Variants in MME observed in about 807,000 individuals in gnomAD.
MME encodes neprilysin.
MME carries 98 observed loss-of-function variants against 113.2 expected under a neutral mutation model. The observed-to-expected ratio is 0.87, with a 90% CI of 0.74 to 1.02. MME has a LOEUF of 1.02. Among genes scored for constraint, MME ranks in the 50% least tolerant of loss-of-function variants. The pLI is 0.00. For synonymous variants in MME, 292 were observed against 300.6 expected (o/e 0.97, Z 0.30); for missense variants, 836 against 896.0 (o/e 0.93, Z 0.86).
chr3:155,084,087 C>T lies in MME; in HGVS notation c.-10-71C>T, dbSNP rs534436536. 23 of 1,283,440 alleles carry T rather than the reference C, an allele frequency of 1.8e-5. No individual in the cohort carries two copies. The African/African-American group carries it at 2.5e-4, about 14-fold the overall frequency. 79.5% of individuals were successfully genotyped at this position (1,283,440 alleles called of 1,614,324 possible). On this transcript the variant is annotated intron_variant, in intron 1 of 22. Transcript: ENST00000360490. ...ACTGAGCCTTTTACTTTTATCCAGC[C>T]ACATTAAGCATTTGGACATTTTCTT...
intron 1 of MME, among the ~76,000 whole-genome samples, chr3:155,063,420 CATA>C (rs1230910085): frequency 1.2e-5 from 1 of 80,012 alleles, no homozygotes; most frequent in East Asian, 3.6e-4. Context: ...ATATTTTATT[CATA>C]ATAAAAATAT....
chr3:155,172,629 A>G lies in MME; in HGVS notation c.2153+17A>G. The G allele has an allele frequency of 6.3e-7, 1 of 1,589,532 alleles. No homozygotes were observed. Among genetic ancestry groups the G allele is most frequent in the Non-Finnish European group, 8.6e-7 (1 of 1,157,944 alleles). On this transcript the variant is annotated intron_variant, in intron 22 of 22. Transcript: ENST00000360490. ...CAATTTCAGGTGCGTGGATATGAAC[A>G]GCAATCAAGGTGCTCTTATATTGGG...
At chr3:155,072,445 C>T (rs185711276) in intron 1 of MME, among the ~76,000 whole-genome samples, 3 of 152,184 alleles carry the variant, frequency 2.0e-5, no homozygotes, top group African/African-American at 7.2e-5. Flanking sequence ...CTTCTGTTTT[C>T]TTTGTATCTA....
intron 9 of MME, among the ~76,000 whole-genome samples, chr3:155,138,814 G>A (rs753493819): frequency 6.6e-6 from 1 of 152,146 alleles, no homozygotes; most frequent in Non-Finnish European, 1.5e-5. Context: ...TGGAGTCTGA[G>A]TTGGCACTTT....
At chr3:155,147,608 A>C (rs1721617250) in intron 15 of MME, among the ~76,000 whole-genome samples, 1 of 152,188 alleles carries the variant, frequency 6.6e-6, no homozygotes, top group Non-Finnish European at 1.5e-5. Flanking sequence ...AAACCAATTC[A>C]TGCCTACTGT....
intron 16 of MME, among the ~76,000 whole-genome samples, chr3:155,151,383 TA>T (rs139413607): frequency 0.021 from 3,158 of 152,258 alleles, 63 homozygotes; most frequent in East Asian, 0.11. Flanking sequence ...GCAACTAATG[TA>T]AATGAATTCA....
chr3:155,114,267 C>T (rs1243927452), intron 3 of MME, among the ~76,000 whole-genome samples: 4 of 152,042 alleles, frequency 2.6e-5, no homozygotes, highest in African/African-American at 9.7e-5. Context: ...GGTAATAATT[C>T]CTATTTTATA....
At position 155,166,884 on chromosome 3, in the gene MME, T is replaced by C; in HGVS notation, c.1661-18T>C. ...ACTTATGCCACAAATAATCTCTAAC[T>C]ATCTTCTCTCCTTGTAGTCTTCCCA... On this transcript the variant is annotated intron_variant, in intron 17 of 22. Coordinates refer to ENST00000360490, the MANE Select transcript of MME (RefSeq NM_007289.4). 6.2e-7 allele frequency: 1 copy of C among 1,613,468 alleles called. No individual in the cohort carries two copies. Among genetic ancestry groups the C allele is most frequent in the Non-Finnish European group, 8.5e-7 (1 of 1,179,592 alleles).
chr3:155,108,908 G>A (rs1436522812), intron 3 of MME, among the ~76,000 whole-genome samples: 1 of 152,128 alleles, frequency 6.6e-6, no homozygotes, highest in Non-Finnish European at 1.5e-5. Flanking sequence ...GATAAGAAAG[G>A]GGAGATCTTG....
At chr3:155,092,251 A>C (rs1351048813) in intron 3 of MME, among the ~76,000 whole-genome samples, 2 of 152,190 alleles carry the variant, frequency 1.3e-5, no homozygotes, top group African/African-American at 2.4e-5. Flanking sequence ...ATGCTTTATC[A>C]GCTATCTGGA....
At chr3:155,155,428 G>C (rs933938412) in intron 16 of MME, among the ~76,000 whole-genome samples, 2 of 152,078 alleles carry the variant, frequency 1.3e-5, no homozygotes, top group Non-Finnish European at 2.9e-5. Context: ...TCTCTATGAC[G>C]TGCATAGCAA....
rs1712997482 is a variant in MME, at chr3:155,180,599, A to T, written c.*140A>T. The T allele has an allele frequency of 1.4e-6, 1 of 722,522 alleles. No homozygotes were observed. Among genetic ancestry groups the T allele is most frequent in the South Asian group, 1.5e-5 (1 of 68,440 alleles). 44.8% of individuals were successfully genotyped at this position (722,522 alleles called of 1,614,324 possible). A position where few individuals can be genotyped will look rare whatever the true frequency, so the allele number is the denominator to read the frequency against. On this transcript the variant is annotated 3_prime_UTR_variant, in exon 23 of 23. Transcript: ENST00000360490. ...TTAACAGAGAGGGCACCATCACAAT[A>T]CAGATAACATTAGGTTGTCCTAGAA...
chr3:155,048,315 C>G (rs1228925750), intron 1 of MME, among the ~76,000 whole-genome samples: 1 of 152,122 alleles, frequency 6.6e-6, no homozygotes, highest in African/African-American at 2.4e-5. Context: ...AATCAATTAA[C>G]AAATAAATGG....
chr3:155,033,486 G>C (rs1020403830), intron 1 of MME, among the ~76,000 whole-genome samples: 1 of 152,060 alleles, frequency 6.6e-6, no homozygotes, highest in African/African-American at 2.4e-5. Context: ...CATTATAATG[G>C]AATTTTAATA....
intron 1 of MME, among the ~76,000 whole-genome samples, chr3:155,061,241 T>A (rs557580798): frequency 2.0e-3 from 311 of 152,080 alleles, no homozygotes; most frequent in South Asian, 6.0e-3. Flanking sequence ...TCACGAGGTC[T>A]GGAGATAGAG....
chr3:155,133,077 A>ATATATATATATATG (rs1425770243), intron 8 of MME, among the ~76,000 whole-genome samples: 1 of 138,548 alleles, frequency 7.2e-6, no homozygotes, highest in African/African-American at 2.7e-5. Context: ...ATATATATAT[A>ATATATATATATATG]TATGTATAAA....
intron 1 of MME, among the ~76,000 whole-genome samples, chr3:155,025,662 G>A (rs1712755276): frequency 6.8e-6 from 1 of 146,750 alleles, no homozygotes; most frequent in Admixed American, 6.8e-5. Flanking sequence ...GATACCAAGT[G>A]GTATCAGATT....
chr3:155,128,001 T>C (rs1343053700), intron 8 of MME, among the ~76,000 whole-genome samples: 1 of 152,230 alleles, frequency 6.6e-6, no homozygotes, highest in Non-Finnish European at 1.5e-5. Context: ...CGCAGCATGC[T>C]TGCTGCCTTG....
intron 7 of MME, among the ~76,000 whole-genome samples, chr3:155,117,937 A>T (rs1718767143): frequency 6.6e-6 from 1 of 152,108 alleles, no homozygotes; most frequent in African/African-American, 2.4e-5. Context: ...TTAACCCAGA[A>T]ATGCTCTGTT....
Sources: gnomAD v4.1 joint callset for allele counts (sites outside exome capture counted in the v4.1 genomes callset) on GRCh38, gnomAD v4.1.1 for gene constraint, MANE v1.5 for transcripts, NCBI Gene and HGNC (gene_info 2026-07-23, HGNC 2026-07-21) for gene names.